The following NAV1 variants were observed in gnomAD, a reference collection of about 807,000 sequenced individuals.
NAV1 encodes neuron navigator 1, also known as pore membrane and/or filament interacting like protein 3.
NAV1 carries 18 observed loss-of-function variants against 175.2 expected under a neutral mutation model. The observed-to-expected ratio is 0.10, with a 90% CI of 0.07 to 0.15. NAV1 has a LOEUF of 0.15. NAV1 is among the 10% of genes least tolerant of loss of function. The probability of loss-of-function intolerance (pLI) is 1.00; values close to 1 mark genes in which losing one functional copy is unlikely to be tolerated. For missense variants in NAV1, 1,731 were observed against 2,436.6 expected (o/e 0.71, Z 6.10); for synonymous variants, 897 against 978.7 (o/e 0.92, Z 1.56).
chr1:201,547,804 T>C (rs1430680677), intron 1 of NAV1, among the ~76,000 whole-genome samples: 1 of 152,192 alleles, frequency 6.6e-6, no homozygotes, highest in African/African-American at 2.4e-5. Flanking sequence ...TAAATTACTA[T>C]TATTTTTTGA....
intron 1 of NAV1, among the ~76,000 whole-genome samples, chr1:201,649,956 G>C (rs111382758): frequency 2.0e-5 from 3 of 152,138 alleles, no homozygotes; most frequent in African/African-American, 7.2e-5. Context: ...ATTTCCCCGC[G>C]GTGTGAGGAT....
At chr1:201,774,123 T>C (rs1016901121) in intron 3 of NAV1, among the ~76,000 whole-genome samples, 1 of 150,278 alleles carries the variant, frequency 6.7e-6, no homozygotes, top group Non-Finnish European at 1.5e-5. Context: ...AGCTTGTTGT[T>C]GCCCAGCTCT....
chr1:201,653,986 C>G (rs1270593659), intron 1 of NAV1, among the ~76,000 whole-genome samples: 1 of 152,220 alleles, frequency 6.6e-6, no homozygotes, highest in Admixed American at 6.5e-5. Context: ...GGGCCCCCAC[C>G]CAGGTCATGT....
chr1:201,647,532 T>C (rs1669013828), upstream of NAV1, among the ~76,000 whole-genome samples: 1 of 152,164 alleles, frequency 6.6e-6, no homozygotes, highest in African/African-American at 2.4e-5. Context: ...ACATTGCTAA[T>C]TGGAATAGAA....
chr1:201,640,086 C>T (rs1201554099), intron 2 of NAV1, among the ~76,000 whole-genome samples: 5 of 152,068 alleles, frequency 3.3e-5, no homozygotes, highest in Admixed American at 3.3e-4. Context: ...GGCCCATGAC[C>T]TCTGGCTCCA....
intron 1 of NAV1, among the ~76,000 whole-genome samples, chr1:201,566,164 C>T (rs1463789973): frequency 1.6e-4 from 24 of 152,182 alleles, no homozygotes; most frequent in Admixed American, 1.1e-3. Flanking sequence ...GATGGTGACG[C>T]TTGCCCACCT....
intron 2 of NAV1, among the ~76,000 whole-genome samples, chr1:201,597,849 T>G (rs909581418): frequency 1.3e-5 from 2 of 152,174 alleles, no homozygotes; most frequent in African/African-American, 4.8e-5. Context: ...GGCAGGCCCC[T>G]CCCCTGTGAG....
intron 7 of NAV1, among the ~76,000 whole-genome samples, chr1:201,784,662 C>T (rs57680063): frequency 3.4e-4 from 52 of 151,822 alleles, no homozygotes; most frequent in African/African-American, 1.2e-3. Context: ...CTCAGCCTCC[C>T]GGGAGCTGCA....
At chr1:201,797,378 A>G (rs1677521836) in intron 15 of NAV1, 2 of 152,184 alleles carry the variant, frequency 1.3e-5, no homozygotes, top group South Asian at 2.1e-4. Context: ...CCATTCTTCT[A>G]TATGTCTATC....
intron 17 of NAV1, among the ~76,000 whole-genome samples, 156 bp downstream of exon 21, chr1:201,804,653 T>G (rs1321588775): frequency 3.4e-5 from 5 of 145,988 alleles, no homozygotes; most frequent in African/African-American, 1.3e-4. Context: ...AGTTCCTAAC[T>G]CACTCCACTG....
At chr1:201,794,047 C>G in intron 14 of NAV1, 172 bp downstream of exon 18, 2 of 715,316 alleles carry the variant, frequency 2.8e-6, no homozygotes, top group Non-Finnish European at 5.0e-6. Flanking sequence ...TATTCCTTAT[C>G]CCAATTCCTT....
At chr1:201,593,254 C>T (rs764888349) in intron 2 of NAV1, among the ~76,000 whole-genome samples, 1 of 152,164 alleles carries the variant, frequency 6.6e-6, no homozygotes, top group Non-Finnish European at 1.5e-5. Flanking sequence ...GCTTCAGGCC[C>T]TATTCATCTA....
intron 1 of NAV1, among the ~76,000 whole-genome samples, chr1:201,563,467 A>G (rs1308174337): frequency 1.3e-5 from 2 of 151,806 alleles, no homozygotes; most frequent in East Asian, 1.9e-4. Context: ...GGTACCCCAC[A>G]TGTCTGCTTC....
chr1:201,786,640 G>A, intron 9 of NAV1, 63 bp downstream of exon 13: 1 of 1,511,812 alleles, frequency 6.6e-7, no homozygotes, highest in Non-Finnish European at 9.0e-7. Context: ...GCAGGGTGAG[G>A]CAAGGCAGGT....
intron 1 of NAV1, among the ~76,000 whole-genome samples, chr1:201,577,874 A>C (rs503498): frequency 6.6e-6 from 1 of 151,990 alleles, no homozygotes; most frequent in Non-Finnish European, 1.5e-5. Context: ...CTGTCATTTG[A>C]ACCCTTTCCA....
exon 11 of NAV1, chr1:201,789,784 T>A: frequency 6.2e-7 from 1 of 1,613,882 alleles, no homozygotes; most frequent in South Asian, 1.1e-5. Flanking sequence ...CTCCTCCACC[T>A]ACTCCTCAGT....
chr1:201,757,509 T>A (rs987492017), intron 3 of NAV1, among the ~76,000 whole-genome samples: 11 of 152,204 alleles, frequency 7.2e-5, no homozygotes, highest in South Asian at 4.1e-4. Context: ...CTGCTTTTGC[T>A]GGAATTACAG....
chr1:201,690,202 C>A (rs2981824), intron 1 of NAV1, among the ~76,000 whole-genome samples: 2 of 130,394 alleles, frequency 1.5e-5, no homozygotes, highest in African/African-American at 3.0e-5. Flanking sequence ...TATTTCCTCT[C>A]TGGCCTGTCC....
Position 201,718,383 on chromosome 1 carries a change from C to T in NAV1, c.861-7C>T. 1 of 1,526,880 alleles carries T rather than the reference C, an allele frequency of 6.5e-7. No homozygotes were observed. Among genetic ancestry groups the T allele is most frequent in the Non-Finnish European group, 8.8e-7 (1 of 1,133,114 alleles). 94.6% of individuals were successfully genotyped at this position (1,526,880 alleles called of 1,614,324 possible). On this transcript the variant is annotated splice_polypyrimidine_tract_variant and splice_region_variant and intron_variant, in intron 2 of 29. Transcript: ENST00000367296. This position sits in a 1 kb window ranked among gnomAD's most constrained non-coding sequence, Gnocchi z 4.8. Reference sequence around the variant, plus strand: ...GGACTAAGTAGTGCCTTCTGCTCTCCACCCAGCTCCCTGGAGATGACCTGC... The same window carrying T: ...GGACTAAGTAGTGCCTTCTGCTCTCTACCCAGCTCCCTGGAGATGACCTGC...
Sources: allele counts gnomAD v4.1 joint callset (sites outside exome capture counted in the v4.1 genomes callset), GRCh38; gene constraint gnomAD v4.1.1; non-coding constraint Gnocchi (gnomAD v3.1); transcripts MANE v1.5; gene names NCBI Gene and HGNC (gene_info 2026-07-23, HGNC 2026-07-21).